L3MBTL4: variants seen among roughly 807,000 people sequenced by gnomAD.
L3MBTL4 encodes the protein L3MBTL histone methyl-lysine binding protein 4, also known as lethal(3)malignant brain tumor-like protein 4.
Under a neutral mutation model 84.5 loss-of-function variants are expected in L3MBTL4, and 70 were observed. The ratio of observed to expected loss-of-function variants is 0.83; its 90% CI spans 0.68 to 1.01. The LOEUF is 1.01. Among genes scored for constraint, L3MBTL4 ranks in the 50% least tolerant of loss-of-function variants. L3MBTL4 has a pLI of 0.00. For synonymous variants in L3MBTL4, 274 were observed against 259.8 expected (o/e 1.05, Z -0.52); for missense variants, 715 against 754.8 (o/e 0.95, Z 0.62).
At chr18:6,362,135 G>A (rs924580834) in intron 1 of L3MBTL4, among the ~76,000 whole-genome samples, 8 of 84,750 alleles carry the variant, frequency 9.4e-5, no homozygotes, top group Admixed American at 9.1e-4. Flanking sequence ...AAGAGGAGAG[G>A]AGAGGGGAGG....
At chr18:6,339,732 AAT>A (rs2052517359) in intron 1 of L3MBTL4, among the ~76,000 whole-genome samples, 1 of 152,164 alleles carries the variant, frequency 6.6e-6, no homozygotes. Context: ...ACAAACTGAC[AAT>A]ATCAGGCAGG....
At chr18:6,086,606 C>T (rs563186593) in intron 15 of L3MBTL4, among the ~76,000 whole-genome samples, 3 of 152,212 alleles carry the variant, frequency 2.0e-5, no homozygotes, top group African/African-American at 7.2e-5. Flanking sequence ...TGAGCTGATC[C>T]GGGCACAACT....
chr18:6,358,302 A>G (rs923335355), intron 1 of L3MBTL4, among the ~76,000 whole-genome samples: 2 of 152,220 alleles, frequency 1.3e-5, no homozygotes, highest in African/African-American at 4.8e-5. Context: ...CTTATTTTAC[A>G]GAAAGAAAAA....
At chr18:6,262,177 G>T (rs1016771665) in intron 5 of L3MBTL4, among the ~76,000 whole-genome samples, 1 of 152,146 alleles carries the variant, frequency 6.6e-6, no homozygotes, top group Non-Finnish European at 1.5e-5. Flanking sequence ...TCCTGTTTTG[G>T]CCCACTCTGT....
chr18:6,329,054 C>T (rs1017303285), intron 1 of L3MBTL4, among the ~76,000 whole-genome samples: 2 of 152,074 alleles, frequency 1.3e-5, no homozygotes, highest in African/African-American at 4.8e-5. Flanking sequence ...TGAATGTGTA[C>T]CCTTGGTCAC....
At chr18:5,998,111 C>A (rs1166367511) in intron 16 of L3MBTL4, among the ~76,000 whole-genome samples, 1 of 152,236 alleles carries the variant, frequency 6.6e-6, no homozygotes, top group Non-Finnish European at 1.5e-5. Context: ...CTCAGGGACA[C>A]CCTGGCTCCA....
chr18:6,394,648 A>G (rs1013521547), intron 1 of L3MBTL4, among the ~76,000 whole-genome samples: 2 of 152,124 alleles, frequency 1.3e-5, no homozygotes, highest in East Asian at 1.9e-4. Flanking sequence ...CAGGCACCCA[A>G]TAATTATTTG....
chr18:6,245,823 T>C (rs916640140), intron 5 of L3MBTL4, among the ~76,000 whole-genome samples: 13 of 152,254 alleles, frequency 8.5e-5, no homozygotes, highest in African/African-American at 3.1e-4. Context: ...ACTCCTGACC[T>C]CAAATGATCC....
intron 4 of L3MBTL4, among the ~76,000 whole-genome samples, chr18:6,290,747 C>T (rs1299335293): frequency 1.3e-5 from 2 of 151,898 alleles, no homozygotes; most frequent in Non-Finnish European, 2.9e-5. Context: ...AGGCTTGTCT[C>T]GAACTCCTGA....
At chr18:6,317,947 T>G (rs2051193531) in intron 1 of L3MBTL4, among the ~76,000 whole-genome samples, 1 of 152,186 alleles carries the variant, frequency 6.6e-6, no homozygotes, top group Admixed American at 6.5e-5. Flanking sequence ...GGGATTTTAT[T>G]TTTAGCCTCT....
At chr18:6,057,452 A>G (rs2057064238) in intron 16 of L3MBTL4, among the ~76,000 whole-genome samples, 2 of 152,254 alleles carry the variant, frequency 1.3e-5, no homozygotes, top group African/African-American at 4.8e-5. Flanking sequence ...GGCAAATAAA[A>G]GAGAAAAATG....
intron 16 of L3MBTL4, among the ~76,000 whole-genome samples, chr18:6,053,089 A>G (rs1301560692): frequency 6.6e-6 from 1 of 152,218 alleles, no homozygotes; most frequent in Admixed American, 6.5e-5. Context: ...TGGTAGAAGG[A>G]GTGTCATGCA....
chr18:6,317,419 A>G (rs1377116718), intron 1 of L3MBTL4, among the ~76,000 whole-genome samples: 1 of 152,192 alleles, frequency 6.6e-6, no homozygotes, highest in Non-Finnish European at 1.5e-5. Flanking sequence ...AACCAATCAG[A>G]ACATCTGGAA....
At chr18:6,344,215 C>T (rs1242813220) in intron 1 of L3MBTL4, among the ~76,000 whole-genome samples, 1 of 151,952 alleles carries the variant, frequency 6.6e-6, no homozygotes, top group East Asian at 1.9e-4. Context: ...AGAGACATTA[C>T]AACAGATAGC....
intron 16 of L3MBTL4, among the ~76,000 whole-genome samples, chr18:6,058,186 C>G (rs2057090957): frequency 1.3e-5 from 2 of 152,200 alleles, no homozygotes; most frequent in South Asian, 4.1e-4. Flanking sequence ...TAAGTTTTAT[C>G]TCTTAGAAAT....
intron 5 of L3MBTL4, among the ~76,000 whole-genome samples, chr18:6,249,803 A>T (rs550327686): frequency 3.3e-4 from 50 of 152,362 alleles, no homozygotes; most frequent in Non-Finnish European, 7.1e-4. Flanking sequence ...CTTAAAGCAA[A>T]CAATAGGCCC....
At chr18:6,224,391 G>C (rs2046688690) in intron 10 of L3MBTL4, among the ~76,000 whole-genome samples, 1 of 152,150 alleles carries the variant, frequency 6.6e-6, no homozygotes, top group Non-Finnish European at 1.5e-5. Flanking sequence ...CAGCAGTGTG[G>C]GGCTAAACAC....
intron 14 of L3MBTL4, among the ~76,000 whole-genome samples, chr18:6,119,046 G>A (rs1227647209): frequency 8.8e-6 from 1 of 113,136 alleles, no homozygotes; most frequent in Non-Finnish European, 1.6e-5. Context: ...TCCCTTCAAA[G>A]AGCTTCCTTT....
intron 5 of L3MBTL4, among the ~76,000 whole-genome samples, chr18:6,250,791 T>C (rs1313218859): frequency 6.6e-6 from 1 of 152,230 alleles, no homozygotes; most frequent in Non-Finnish European, 1.5e-5. Flanking sequence ...GAATTTTATA[T>C]GCAGATGACA....
Sources: gnomAD v4.1 joint callset for allele counts (sites outside exome capture counted in the v4.1 genomes callset) on GRCh38, gnomAD v4.1.1 for gene constraint, MANE v1.5 for transcripts, NCBI Gene and HGNC (gene_info 2026-07-23, HGNC 2026-07-21) for gene names.